TRMT1L: variants seen among roughly 807,000 people sequenced by gnomAD.
The protein encoded by TRMT1L is tRNA (guanine(27)-N(2))-dimethyltransferase.
A neutral mutation model predicts 81.6 loss-of-function variants in TRMT1L; 28 were observed. The ratio of observed to expected loss-of-function variants is 0.34; its 90% confidence interval spans 0.25 to 0.47. The LOEUF (loss-of-function observed/expected upper bound fraction) is 0.47. TRMT1L is among the 20% of genes least tolerant of loss of function. The pLI is 1.00. For synonymous variants in TRMT1L, 301 were observed against 303.2 expected (o/e 0.99, Z 0.07); for missense variants, 739 against 877.1 (o/e 0.84, Z 1.99).
At chr1:185,134,780 T>C (rs543774724) in intron 10 of TRMT1L, among the ~76,000 whole-genome samples, 1 of 152,288 alleles carries the variant, frequency 6.6e-6, no homozygotes, top group East Asian at 1.9e-4. Context: ...GCTTTGAACA[T>C]GAAGGAAACA....
At chr1:185,142,767 C>T (rs536308157) in intron 7 of TRMT1L, among the ~76,000 whole-genome samples, 1 of 151,548 alleles carries the variant, frequency 6.6e-6, no homozygotes, top group Non-Finnish European at 1.5e-5. Context: ...AAAATCTAGA[C>T]TGCGGGAAAC....
chr1:185,127,326 A>C (rs1388777387), intron 11 of TRMT1L, among the ~76,000 whole-genome samples: 2 of 152,194 alleles, frequency 1.3e-5, no homozygotes, highest in African/African-American at 4.8e-5. Flanking sequence ...TGAAGATAAA[A>C]TCATGAGCAT....
At chr1:185,133,881 G>A (rs1652832370) in intron 10 of TRMT1L, among the ~76,000 whole-genome samples, 1 of 151,958 alleles carries the variant, frequency 6.6e-6, no homozygotes, top group South Asian at 2.1e-4. Flanking sequence ...AATTTTGGAG[G>A]AATTTGTTAC....
At chr1:185,136,598 A>T (rs1652905859) in intron 10 of TRMT1L, among the ~76,000 whole-genome samples, 1 of 152,218 alleles carries the variant, frequency 6.6e-6, no homozygotes, top group Non-Finnish European at 1.5e-5. Context: ...CATCAAAATA[A>T]TATGCCAACT....
intron 7 of TRMT1L, among the ~76,000 whole-genome samples, chr1:185,140,829 A>C (rs898838793): frequency 6.6e-6 from 1 of 151,720 alleles, no homozygotes; most frequent in African/African-American, 2.4e-5. Context: ...AAAATACAAA[A>C]ATTAGCTGGG....
intron 3 of TRMT1L, among the ~76,000 whole-genome samples, chr1:185,149,910 G>A (rs976308349): frequency 1.1e-4 from 16 of 151,818 alleles, no homozygotes; most frequent in Non-Finnish European, 1.9e-4. Flanking sequence ...AGTAGAAAAT[G>A]GCTATGATTT....
In TRMT1L at chr1:185,118,627, T is replaced by C. The variant is rs1652420310; in HGVS notation, c.*1392A>G. ...AGCAGAATTTTTTTAATGGTCATTA[T>C]AGAAACTAGCTTGCACTTCACCTAT... On this transcript the variant is annotated 3_prime_UTR_variant, in exon 15 of 15. Coordinates refer to ENST00000367506, the MANE Select transcript of TRMT1L (RefSeq NM_030934.5). The C allele has an allele frequency of 6.6e-6, 1 of 152,184 alleles. No individual in the cohort carries two copies. The highest frequency in any genetic ancestry group is 2.4e-5 in the African/African-American group (1 of 41,450). The allele number at this position is 152,184 out of a possible 1,614,324, so 9.4% of individuals were successfully genotyped here.
At chr1:185,151,983 G>T in intron 1 of TRMT1L, 48 bp from the exon 2 acceptor site, 1 of 1,221,338 alleles carries the variant, frequency 8.2e-7, no homozygotes, top group Non-Finnish European at 1.2e-6. Context: ...TTGTATTCTA[G>T]TTCCATTTTT....
At position 185,119,941 on chromosome 1, in the gene TRMT1L, C is replaced by A. The variant is rs796314506; in HGVS notation, c.*78G>T. Reference sequence around the variant, plus strand: ...TTTTTACTCTACTGAATTGAAAGAACAGAAAAAGAACTACAGTTGGTATAG... The same window carrying A: ...TTTTTACTCTACTGAATTGAAAGAAAAGAAAAAGAACTACAGTTGGTATAG... On this transcript the variant is annotated 3_prime_UTR_variant, in exon 15 of 15. Transcript: ENST00000367506. 54 of 1,405,898 alleles carry A rather than the reference C, an allele frequency of 3.8e-5. No homozygotes were observed. Among genetic ancestry groups the A allele is most frequent in the Middle Eastern group, 1.9e-4 (1 of 5,314 alleles). 87.1% of individuals were successfully genotyped at this position (1,405,898 alleles called of 1,614,324 possible).
chr1:185,149,842 A>G (rs774047362), intron 3 of TRMT1L, among the ~76,000 whole-genome samples: 40 of 151,908 alleles, frequency 2.6e-4, no homozygotes, highest in South Asian at 1.0e-3. Flanking sequence ...ATTCCCTCAA[A>G]TTGTGTCATT....
At chr1:185,154,407 T>C (rs1653439785) in intron 1 of TRMT1L, among the ~76,000 whole-genome samples, 1 of 152,198 alleles carries the variant, frequency 6.6e-6, no homozygotes, top group African/African-American at 2.4e-5. Context: ...CTATATCAGA[T>C]ACTGGTCAAA....
chr1:185,147,026 CAT>C (rs34530355), intron 4 of TRMT1L, among the ~76,000 whole-genome samples, 154 bp downstream of exon 4: 15,102 of 151,870 alleles, frequency 0.099, 961 homozygotes, highest in East Asian at 0.25. Flanking sequence ...TCATACATTT[CAT>C]AGTTTTCCCA....
chr1:185,147,118 T>G (rs1233685844), intron 4 of TRMT1L, 64 bp downstream of exon 4: 1 of 1,194,008 alleles, frequency 8.4e-7, no homozygotes, highest in Non-Finnish European at 1.2e-6. Flanking sequence ...TCACAGTAAG[T>G]AAAAATTATG....
chr1:185,118,341 A>G lies in TRMT1L; in HGVS notation c.*1678T>C, dbSNP rs1251669515. On this transcript the variant is annotated 3_prime_UTR_variant, in exon 15 of 15. Transcript: ENST00000367506. ...TTATATGTGAAATTAATATACACAT[A>G]TATTTTAGGTAACAGTAATTTACAG... 6.6e-6 allele frequency: 1 copy of G among 152,182 alleles called. No individual in the cohort carries two copies. The highest frequency in any genetic ancestry group is 6.5e-5 in the Admixed American group (1 of 15,268). The allele number at this position is 152,182 out of a possible 1,614,324, so 9.4% of individuals were successfully genotyped here.
intron 6 of TRMT1L, among the ~76,000 whole-genome samples, chr1:185,143,642 T>C (rs1011811609): frequency 6.6e-6 from 1 of 152,100 alleles, no homozygotes; most frequent in Admixed American, 6.6e-5. Flanking sequence ...TATTAACAAG[T>C]ATTTATTTAT....
Position 185,128,707 on chromosome 1 carries a change from G to A in TRMT1L, c.1554C>T (p.Ser518=). Residue 518 remains serine, a synonymous_variant, in exon 11 of 15, where the codon AGC becomes AGT. Coordinates refer to ENST00000367506, the MANE Select transcript of TRMT1L (RefSeq NM_030934.5). The part of the protein sequence containing the change: ...YRQLPCNCHG[S]MPGKTAIELG... ...GTTCTATTGCTGTCTTTCCAGGCAT[G>A]CTTCCATGACAGTTACAAGGCAGCT... The A allele has an allele frequency of 1.9e-6, 3 of 1,612,178 alleles. No individual in the cohort carries two copies. Among genetic ancestry groups the A allele is most frequent in the Non-Finnish European group, 1.7e-6 (2 of 1,179,384 alleles).
intron 10 of TRMT1L, among the ~76,000 whole-genome samples, chr1:185,130,944 T>A (rs1652754296): frequency 6.6e-6 from 1 of 152,130 alleles, no homozygotes; most frequent in Non-Finnish European, 1.5e-5. Flanking sequence ...TGGGGGTGTC[T>A]TACTAAAAAA....
chr1:185,151,669 G>A (rs1557993526), intron 2 of TRMT1L, among the ~76,000 whole-genome samples, 156 bp downstream of exon 2: 1 of 152,040 alleles, frequency 6.6e-6, no homozygotes, highest in African/African-American at 2.4e-5. Context: ...TTGCACATAA[G>A]CGGTTGCCAA....
intron 11 of TRMT1L, among the ~76,000 whole-genome samples, chr1:185,127,759 CAAAAAAAAAAAAA>C (rs986438990): frequency 3.0e-4 from 11 of 36,430 alleles, no homozygotes; most frequent in African/African-American, 9.2e-4. Context: ...AACTCTGTCT[CAAAAAAAAAAAAA>C]AAAAAAAAAA....
Sources: gnomAD v4.1 joint callset for allele counts (sites outside exome capture counted in the v4.1 genomes callset) on GRCh38, gnomAD v4.1.1 for gene constraint, MANE v1.5 for transcripts, NCBI Gene and HGNC (gene_info 2026-07-23, HGNC 2026-07-21) for gene names.